The following SLC35F1 variants were observed in gnomAD, a reference collection of about 807,000 sequenced individuals.
SLC35F1 encodes the protein solute carrier family 35 member F1, also known as chromosome 6 open reading frame 169.
A neutral mutation model predicts 48.7 loss-of-function variants in SLC35F1; 14 were observed. That is an observed-to-expected ratio of 0.29 (90% CI 0.19 to 0.45). The LOEUF (loss-of-function observed/expected upper bound fraction) is 0.45. Ranked by LOEUF, SLC35F1 falls within the 20% of genes least tolerant of loss-of-function variation. SLC35F1 has a pLI of 1.00. For synonymous variants in SLC35F1, 190 were observed against 202.2 expected, an observed-to-expected ratio of 0.94 and a Z score of 0.51; for missense variants, 404 against 500.0, an observed-to-expected ratio of 0.81 and a Z score of 1.83.
At chr6:118,288,552 G>T (rs1776079370) in intron 7 of SLC35F1, among the ~76,000 whole-genome samples, 1 of 152,204 alleles carries the variant, frequency 6.6e-6, no homozygotes, top group Non-Finnish European at 1.5e-5. Context: ...GGGTTGTGAA[G>T]ACTGGGGTTT....
chr6:118,081,138 G>C (rs2114320529), intron 1 of SLC35F1, among the ~76,000 whole-genome samples: 1 of 152,056 alleles, frequency 6.6e-6, no homozygotes, highest in Non-Finnish European at 1.5e-5. Flanking sequence ...TTTTACCCCT[G>C]TTTGATCCAG....
chr6:118,204,605 A>G (rs984164213), intron 2 of SLC35F1, among the ~76,000 whole-genome samples: 4 of 152,204 alleles, frequency 2.6e-5, no homozygotes, highest in Non-Finnish European at 5.9e-5. Flanking sequence ...CAGAGGTATC[A>G]TGAAGCTATT....
At chr6:117,920,252 G>A (rs1775880255) in intron 1 of SLC35F1, among the ~76,000 whole-genome samples, 1 of 152,178 alleles carries the variant, frequency 6.6e-6, no homozygotes, top group Admixed American at 6.5e-5. Context: ...GTGGTGGCTG[G>A]AAAAGGGAGA....
chr6:118,035,456 C>A (rs6935087), intron 1 of SLC35F1, among the ~76,000 whole-genome samples: 145,903 of 149,410 alleles, frequency 0.98, 71,329 homozygotes, highest in Middle Eastern at 1. Flanking sequence ...AAAAAAAAAA[C>A]CCAAAAAATT....
At chr6:118,263,089 C>T (rs760657108) in intron 3 of SLC35F1, among the ~76,000 whole-genome samples, 2 of 152,194 alleles carry the variant, frequency 1.3e-5, no homozygotes, top group Non-Finnish European at 1.5e-5. Context: ...CAGAATCTCA[C>T]TCTGTTGCCC....
intron 1 of SLC35F1, among the ~76,000 whole-genome samples, chr6:117,920,967 T>A: frequency 6.6e-6 from 1 of 152,224 alleles, no homozygotes; most frequent in Non-Finnish European, 1.5e-5. Context: ...ATGTTATTTC[T>A]CAAATAATGA....
chr6:118,201,018 C>T (rs1393667907), intron 2 of SLC35F1, among the ~76,000 whole-genome samples: 1 of 152,132 alleles, frequency 6.6e-6, no homozygotes, highest in Non-Finnish European at 1.5e-5. Context: ...CCTGAGCGAT[C>T]TTCCCACCTC....
intron 3 of SLC35F1, among the ~76,000 whole-genome samples, chr6:118,261,849 C>T (rs942079630): frequency 1.5e-4 from 23 of 152,128 alleles, no homozygotes; most frequent in African/African-American, 5.6e-4. Flanking sequence ...CCCTCTGGGG[C>T]TGGGATGTGC....
intron 1 of SLC35F1, among the ~76,000 whole-genome samples, chr6:118,121,439 A>G (rs1773551773): frequency 6.6e-6 from 1 of 152,164 alleles, no homozygotes. Flanking sequence ...GTCCATGGAG[A>G]TTATGTGTGT....
Position 117,999,254 on chromosome 6 carries a change from G to T in SLC35F1, c.173+91355G>T, listed in dbSNP as rs900208925. ...CCCAAAGGGAGTCAGCTGCAAGCTC[G>T]ATCGACATGCCTACGTTGCCCACCC... is the stretch of plus-strand genomic sequence containing the variant. On this transcript the variant is annotated intron_variant, in intron 1 of 7. Coordinates refer to ENST00000360388, the MANE Select transcript of SLC35F1 (RefSeq NM_001029858.4). 7.5e-6 allele frequency: 12 copies of T among 1,596,040 alleles called. No individual in the cohort carries two copies. The South Asian group carries it at 1.2e-4, about 16-fold the overall frequency.
intron 1 of SLC35F1, among the ~76,000 whole-genome samples, chr6:118,117,680 C>G (rs1269765419): frequency 6.6e-6 from 1 of 152,050 alleles, no homozygotes; most frequent in African/African-American, 2.4e-5. Flanking sequence ...CCACCAAAAC[C>G]CAGATATGGA....
At chr6:117,911,987 T>A (rs1775769942) in intron 1 of SLC35F1, among the ~76,000 whole-genome samples, 1 of 152,232 alleles carries the variant, frequency 6.6e-6, no homozygotes. Context: ...TAGCTTGTTT[T>A]GTGTTTTGCA....
At chr6:118,272,995 G>C (rs1775876415) in intron 4 of SLC35F1, among the ~76,000 whole-genome samples, 2 of 148,706 alleles carry the variant, frequency 1.3e-5, no homozygotes, top group African/African-American at 5.2e-5. Flanking sequence ...TTTAATGTAT[G>C]TTATATGTAT....
chr6:118,125,382 G>GT (rs993229904), intron 1 of SLC35F1, among the ~76,000 whole-genome samples: 1 of 149,050 alleles, frequency 6.7e-6, no homozygotes, highest in Admixed American at 6.8e-5. Context: ...ATTTTGGGGG[G>GT]GGGGATCAGA....
intron 1 of SLC35F1, among the ~76,000 whole-genome samples, chr6:117,971,192 C>T (rs1776633057): frequency 6.6e-6 from 1 of 152,178 alleles, no homozygotes; most frequent in Admixed American, 6.5e-5. Context: ...GGCTACAGGC[C>T]TCGTGCAAGT....
At chr6:118,255,570 A>C (rs1775631777) in intron 3 of SLC35F1, among the ~76,000 whole-genome samples, 1 of 152,180 alleles carries the variant, frequency 6.6e-6, no homozygotes. Flanking sequence ...CCAGATTTTC[A>C]GTGCATGGCA....
At chr6:118,033,533 A>G (rs1772082742) in intron 1 of SLC35F1, among the ~76,000 whole-genome samples, 1 of 152,088 alleles carries the variant, frequency 6.6e-6, no homozygotes, top group African/African-American at 2.4e-5. Flanking sequence ...ATTTGAGAGG[A>G]TTGACAATTT....
chr6:118,026,927 G>A (rs956296374), intron 1 of SLC35F1, among the ~76,000 whole-genome samples: 30 of 152,200 alleles, frequency 2.0e-4, no homozygotes, highest in Middle Eastern at 3.4e-3. Context: ...AAGACAGATA[G>A]TACATTTGTC....
chr6:118,038,515 G>C (rs1772166328), intron 1 of SLC35F1, among the ~76,000 whole-genome samples: 1 of 149,520 alleles, frequency 6.7e-6, no homozygotes. Context: ...CAAAGAACAT[G>C]AGGTGTCTTT....
Sources: allele counts gnomAD v4.1 joint callset (sites outside exome capture counted in the v4.1 genomes callset), GRCh38; gene constraint gnomAD v4.1.1; transcripts MANE v1.5; gene names NCBI Gene and HGNC (gene_info 2026-07-23, HGNC 2026-07-21).